Variants in ANGPT2 observed in about 807,000 individuals in gnomAD.
ANGPT2 encodes the protein angiopoietin 2.
Under a neutral mutation model 62.9 loss-of-function variants are expected in ANGPT2, and 28 were observed. The observed-to-expected ratio is 0.44, with a 90% CI of 0.33 to 0.61. The LOEUF (loss-of-function observed/expected upper bound fraction) is 0.61. ANGPT2 is among the 20% of genes least tolerant of loss of function. The probability of loss-of-function intolerance (pLI) is 0.03; values close to 1 mark genes in which losing one functional copy is unlikely to be tolerated. For synonymous variants in ANGPT2, 284 were observed against 207.8 expected, an observed-to-expected ratio of 1.37 and a Z score of -3.15; for missense variants, 727 against 594.9, an observed-to-expected ratio of 1.22 and a Z score of -2.31.
intron 1 of ANGPT2, among the ~76,000 whole-genome samples, chr8:6,534,045 C>A (rs2959811): frequency 0.35 from 52,793 of 151,814 alleles, 9,593 homozygotes; most frequent in Non-Finnish European, 0.4. Flanking sequence ...GCTCCCAGCT[C>A]CCTGCATGCC....
At position 6,499,752 on chromosome 8, in the gene ANGPT2, G is replaced by T; in HGVS notation, c.*3349C>A. 2 of 944,482 alleles carry T rather than the reference G, an allele frequency of 2.1e-6. No individual in the cohort carries two copies. Among genetic ancestry groups the T allele is most frequent in the Admixed American group, 3.4e-5 (2 of 58,432 alleles). The allele number at this position is 944,482 out of a possible 1,614,324, so 58.5% of individuals were successfully genotyped here. ...AGAACACATCTATTTCAGATCTGCG[G>T]AGTGTATCACTTTTTGCTGTGTCTT... On this transcript the variant is annotated 3_prime_UTR_variant, in exon 9 of 9. Transcript: ENST00000629816.
At chr8:6,525,176 A>G (rs1004695924) in intron 3 of ANGPT2, among the ~76,000 whole-genome samples, 2 of 152,200 alleles carry the variant, frequency 1.3e-5, no homozygotes, top group Non-Finnish European at 2.9e-5. Flanking sequence ...CTCGCCCATA[A>G]GCAATAACAA....
At chr8:6,519,761 C>T (rs1420855854) in intron 5 of ANGPT2, 103 bp downstream of exon 5, 2 of 1,446,316 alleles carry the variant, frequency 1.4e-6, no homozygotes, top group African/African-American at 2.8e-5. Flanking sequence ...CTGTGTGAGG[C>T]TGGGGAAGAT....
chr8:6,526,257 TAAAAAAAAA>T (rs35519559), intron 3 of ANGPT2, among the ~76,000 whole-genome samples: 6 of 77,464 alleles, frequency 7.7e-5, no homozygotes, highest in South Asian at 1.2e-3. Flanking sequence ...TTGCCTCTAC[TAAAAAAAAA>T]AAAAAAAAAA....
chr8:6,522,546 G>A (rs1484429897), intron 3 of ANGPT2, among the ~76,000 whole-genome samples: 2 of 152,104 alleles, frequency 1.3e-5, no homozygotes, highest in Non-Finnish European at 2.9e-5. Context: ...GGCTGAGGCA[G>A]GTGTATCACT....
rs1824324214 is a variant in ANGPT2, at chr8:6,554,928, GAA to G, written c.288+7717_288+7718del. Among the ~76,000 whole-genome samples the G allele has an allele frequency of 2.0e-5, 3 of 152,204 alleles. No homozygotes were observed. In the South Asian group the frequency reaches 6.2e-4, roughly 31 times the overall value. On this transcript the variant is annotated intron_variant, in intron 1 of 8. Coordinates refer to ENST00000629816, the MANE Select transcript of ANGPT2 (RefSeq NM_001118887.2). ...TGCAAGGAAGGATTAGGACAGAAAAGAAAGGTGATTTCATGGAGAAATATCTA... is the reference window on the plus strand; with the variant it reads ...TGCAAGGAAGGATTAGGACAGAAAAGAGGTGATTTCATGGAGAAATATCTA...
chr8:6,510,107 C>G (rs958658274), intron 7 of ANGPT2, among the ~76,000 whole-genome samples: 4 of 151,766 alleles, frequency 2.6e-5, no homozygotes, highest in Non-Finnish European at 5.9e-5. Context: ...TGTGTACCAG[C>G]AAGGAGCATA....
intron 3 of ANGPT2, among the ~76,000 whole-genome samples, chr8:6,523,844 T>C (rs967395727): frequency 2.0e-4 from 30 of 151,670 alleles, no homozygotes; most frequent in African/African-American, 7.3e-4. Context: ...ACCTCGGCCT[T>C]CCAAAGTGCT....
intron 4 of ANGPT2, 72 bp downstream of exon 4, chr8:6,521,105 AT>A: frequency 8.0e-7 from 1 of 1,245,100 alleles, no homozygotes; most frequent in South Asian, 1.4e-5. Context: ...AAAGGTGAGA[AT>A]TTTTTAGTCT....
chr8:6,551,265 AT>A (rs1020561255), intron 1 of ANGPT2, among the ~76,000 whole-genome samples: 2 of 151,898 alleles, frequency 1.3e-5, no homozygotes, highest in African/African-American at 4.8e-5. Context: ...GAGACTGTTT[AT>A]TTTAGTGGTA....
chr8:6,545,977 G>A (rs1822513955), intron 1 of ANGPT2, among the ~76,000 whole-genome samples: 1 of 152,186 alleles, frequency 6.6e-6, no homozygotes, highest in Non-Finnish European at 1.5e-5. Context: ...CGATATTTGT[G>A]ACATTGGAAG....
rs11786280 is a variant in ANGPT2, at chr8:6,505,868, A to G, written c.1328-2607T>C. Reference sequence around the variant, plus strand: ...TTTATATATGTATATATAAAAACATACATATTCTTTATATATGTATATATA... The same window carrying G: ...TTTATATATGTATATATAAAAACATGCATATTCTTTATATATGTATATATA... On this transcript the variant is annotated intron_variant, in intron 8 of 8. Transcript: ENST00000629816. Among the ~76,000 whole-genome samples the G allele has an allele frequency of 3.1e-4, 41 of 133,828 alleles. 5 individuals carry two copies. The highest frequency in any genetic ancestry group is 4.2e-4 in the African/African-American group (15 of 35,414). The allele number at this position is 133,828 out of a possible 152,430, so 87.8% of individuals were successfully genotyped here. A position where few individuals can be genotyped will look rare whatever the true frequency, so the allele number is the denominator to read the frequency against.
chr8:6,506,629 A>T (rs563516787), intron 8 of ANGPT2, among the ~76,000 whole-genome samples: 2 of 152,212 alleles, frequency 1.3e-5, no homozygotes, highest in Admixed American at 1.3e-4. Flanking sequence ...GTTCAGCTTT[A>T]AAAAGGATGA....
intron 2 of ANGPT2, among the ~76,000 whole-genome samples, chr8:6,530,448 G>T (rs1316061022): frequency 1.4e-5 from 2 of 147,534 alleles, no homozygotes; most frequent in Non-Finnish European, 3.0e-5. Flanking sequence ...GGTGGAGGTT[G>T]CAGCAAGTCG....
chr8:6,549,287 G>C lies in ANGPT2; in HGVS notation c.288+13360C>G, dbSNP rs145210669. ...AACACTGCACGGTGATGGAAAAGAA[G>C]AAACTTTAACATGCACAACAACATG... is the stretch of plus-strand genomic sequence containing the variant. On this transcript the variant is annotated intron_variant, in intron 1 of 8. Transcript: ENST00000629816. 4.9e-4 allele frequency among the ~76,000 whole-genome samples: 75 copies of C among 152,338 alleles called. 1 individual carries two copies. The highest frequency in any genetic ancestry group is 1.8e-3 in the African/African-American group (73 of 41,576).
chr8:6,501,456 A>C lies in ANGPT2; in HGVS notation c.*1645T>G, dbSNP rs1317216295. 2.0e-5 allele frequency: 3 copies of C among 152,052 alleles called. No homozygotes were observed. The highest frequency in any genetic ancestry group is 6.6e-5 in the Admixed American group (1 of 15,258). 9.4% of individuals were successfully genotyped at this position (152,052 alleles called of 1,614,324 possible). A position where few individuals can be genotyped will look rare whatever the true frequency, so the allele number is the denominator to read the frequency against. ...TTTACACAAATGTTCATTAGTATTA[A>C]TTGTACTATGAAAATTTCAAAAGGA... On this transcript the variant is annotated 3_prime_UTR_variant, in exon 9 of 9. Coordinates refer to ENST00000629816, the MANE Select transcript of ANGPT2 (RefSeq NM_001118887.2).
At chr8:6,507,640 G>C (rs1168690008) in intron 8 of ANGPT2, 1 of 141,878 alleles carries the variant, frequency 7.0e-6, no homozygotes, top group African/African-American at 2.6e-5. Context: ...GCAGTGGCAC[G>C]ATCTTGGGTT....
At chr8:6,554,001 G>A (rs976804571) in intron 1 of ANGPT2, among the ~76,000 whole-genome samples, 1 of 151,802 alleles carries the variant, frequency 6.6e-6, no homozygotes, top group African/African-American at 2.4e-5. Context: ...AGAGAGACGA[G>A]CGCACAACTC....
chr8:6,519,765 G>C, intron 5 of ANGPT2, 99 bp downstream of exon 5: 1 of 1,462,874 alleles, frequency 6.8e-7, no homozygotes, highest in Non-Finnish European at 9.3e-7. Context: ...GTGAGGCTGG[G>C]GAAGATCTTT....
Sources: gnomAD v4.1 joint callset for allele counts (sites outside exome capture counted in the v4.1 genomes callset) on GRCh38, gnomAD v4.1.1 for gene constraint, MANE v1.5 for transcripts, NCBI Gene and HGNC (gene_info 2026-07-23, HGNC 2026-07-21) for gene names.